MFHAS1: variants seen among roughly 807,000 people sequenced by gnomAD.
The protein encoded by MFHAS1 is malignant fibrous histiocytoma-amplified sequence 1.
MFHAS1 carries 50 observed loss-of-function variants against 70.4 expected under a neutral mutation model. That is an observed-to-expected ratio of 0.71 (90% CI 0.57 to 0.90). MFHAS1 has a LOEUF of 0.90. Among genes scored for constraint, MFHAS1 ranks in the 40% least tolerant of loss-of-function variants. The pLI is 0.00. For missense variants in MFHAS1, 1,795 were observed against 1,347.6 expected (o/e 1.33, Z -5.20); for synonymous variants, 952 against 620.0 (o/e 1.54, Z -7.96).
chr8:8,803,236 C>T (rs985657309), intron 1 of MFHAS1, among the ~76,000 whole-genome samples: 7 of 151,890 alleles, frequency 4.6e-5, no homozygotes, highest in African/African-American at 1.5e-4. Context: ...CTGGGCTGGA[C>T]GTGGTGGCTC....
intron 1 of MFHAS1, among the ~76,000 whole-genome samples, chr8:8,804,216 A>T (rs570396598): frequency 1.3e-5 from 2 of 152,238 alleles, no homozygotes; most frequent in South Asian, 4.1e-4. Flanking sequence ...ACACCATCAA[A>T]AATTATGACC....
intron 1 of MFHAS1, among the ~76,000 whole-genome samples, chr8:8,868,077 T>A (rs1462672909): frequency 1.3e-5 from 2 of 152,040 alleles, no homozygotes; most frequent in Non-Finnish European, 2.9e-5. Context: ...TTATAATAAG[T>A]GGTATAGCGC....
At position 8,872,133 on chromosome 8, in the gene MFHAS1, G is replaced by C. The variant is rs117553032; in HGVS notation, c.2998+17928C>G. Among the ~76,000 whole-genome samples, 1,467 of 152,342 alleles carry C rather than the reference G, an allele frequency of 9.6e-3. 11 individuals are homozygous for C. The highest frequency in any genetic ancestry group is 0.015 in the Non-Finnish European group (992 of 68,042). ...AACATAAGCTTCTGGGTCCATGGGA[G>C]GCAAGGGAGCATGTGACTGTGCACG... On this transcript the variant is annotated intron_variant, in intron 1 of 2. Coordinates refer to ENST00000276282, the MANE Select transcript of MFHAS1 (RefSeq NM_004225.3).
chr8:8,873,946 T>C (rs1809189489), intron 1 of MFHAS1, among the ~76,000 whole-genome samples: 1 of 152,258 alleles, frequency 6.6e-6, no homozygotes, highest in African/African-American at 2.4e-5. Flanking sequence ...TCACGTGTAA[T>C]GGCTGAATTA....
Position 8,890,928 on chromosome 8 carries a change from C to T in MFHAS1, c.2131G>A (p.Gly711Ser). ...CTGTCCTCAAAGTAGAGTAGCTTGC[C>T]GCTCTCATGCAGGTAGGAGAGGGCA... is the stretch of plus-strand genomic sequence containing the variant. ...QSALSYLHES[G>S]KLLYFEDSPA... is the part of the protein sequence containing the mutation. Residue 711 changes from glycine (G) to serine (S), a missense_variant, in exon 1 of 3, where the codon GGC becomes AGC. Coordinates refer to ENST00000276282, the MANE Select transcript of MFHAS1 (RefSeq NM_004225.3). 1.2e-6 allele frequency: 2 copies of T among 1,614,060 alleles called. No individual in the cohort carries two copies. The highest frequency in any genetic ancestry group is 1.1e-5 in the South Asian group (1 of 91,074).
intron 1 of MFHAS1, among the ~76,000 whole-genome samples, chr8:8,812,804 C>A (rs917757105): frequency 1.2e-5 from 1 of 83,074 alleles, no homozygotes; most frequent in Admixed American, 1.4e-4. Context: ...GTCTCGCTGT[C>A]ACCCAGGCTT....
At chr8:8,797,158 A>T (rs1434603790) in intron 2 of MFHAS1, among the ~76,000 whole-genome samples, 1 of 152,026 alleles carries the variant, frequency 6.6e-6, no homozygotes, top group Non-Finnish European at 1.5e-5. Flanking sequence ...AGTAAAAAAA[A>T]AAAAAAAAAT....
chr8:8,868,783 C>A (rs1459226376), intron 1 of MFHAS1, among the ~76,000 whole-genome samples: 2 of 152,264 alleles, frequency 1.3e-5, no homozygotes, highest in East Asian at 1.9e-4. Context: ...TTACAACTGG[C>A]TTCCACCCAT....
rs79259526 is a variant in MFHAS1, at chr8:8,889,667, C to A, written c.2998+394G>T. 5.7e-3 allele frequency among the ~76,000 whole-genome samples: 869 copies of A among 152,328 alleles called. 9 individuals carry two copies. Among genetic ancestry groups the A allele is most frequent in the African/African-American group, 0.02 (827 of 41,570 alleles). ...ACTTGAAACTCAAACTCATCTACCC[C>A]TTTGAGACGTGTCTAATGAACACTT... On this transcript the variant is annotated intron_variant, in intron 1 of 2. Coordinates refer to ENST00000276282, the MANE Select transcript of MFHAS1 (RefSeq NM_004225.3).
intron 1 of MFHAS1, among the ~76,000 whole-genome samples, chr8:8,824,723 C>T (rs1171806162): frequency 6.6e-6 from 1 of 152,152 alleles, no homozygotes. Context: ...ATGGGTTTAG[C>T]GGTCAGAAGC....
intron 1 of MFHAS1, among the ~76,000 whole-genome samples, chr8:8,873,386 A>G (rs549373159): frequency 6.6e-6 from 1 of 152,284 alleles, no homozygotes; most frequent in South Asian, 2.1e-4. Context: ...CAAGAACCTG[A>G]CTGGGGACTT....
intron 1 of MFHAS1, among the ~76,000 whole-genome samples, chr8:8,875,950 G>C (rs1437689825): frequency 4.6e-5 from 7 of 152,112 alleles, no homozygotes; most frequent in Non-Finnish European, 8.8e-5. Context: ...TATGAACAGA[G>C]ATCATACTGT....
intron 1 of MFHAS1, among the ~76,000 whole-genome samples, chr8:8,845,365 T>A (rs907181): frequency 1.3e-5 from 2 of 151,996 alleles, no homozygotes; most frequent in African/African-American, 4.8e-5. Flanking sequence ...CAGAAAATCA[T>A]ATTCCTTTTC....
chr8:8,885,044 G>C (rs533429609), intron 1 of MFHAS1, among the ~76,000 whole-genome samples: 4 of 151,866 alleles, frequency 2.6e-5, no homozygotes, highest in African/African-American at 9.7e-5. Flanking sequence ...ACTAAGTCTC[G>C]GGTGTGTCTC....
chr8:8,835,104 C>G (rs1807549577), intron 1 of MFHAS1, among the ~76,000 whole-genome samples: 1 of 152,136 alleles, frequency 6.6e-6, no homozygotes, highest in Non-Finnish European at 1.5e-5. Context: ...AATAGGGCAA[C>G]CTAATTCCCA....
At chr8:8,868,312 G>T (rs1166268802) in intron 1 of MFHAS1, among the ~76,000 whole-genome samples, 4 of 150,884 alleles carry the variant, frequency 2.7e-5, no homozygotes, top group Non-Finnish European at 5.9e-5. Context: ...GTATCTTTCG[G>T]CTAATAATAT....
chr8:8,860,524 G>A (rs754570704), intron 1 of MFHAS1, among the ~76,000 whole-genome samples: 5 of 152,156 alleles, frequency 3.3e-5, no homozygotes, highest in African/African-American at 7.2e-5. Flanking sequence ...CACTTGTACC[G>A]GATTCTCTAG....
chr8:8,857,105 G>A (rs952982302), intron 1 of MFHAS1, among the ~76,000 whole-genome samples: 1 of 150,298 alleles, frequency 6.7e-6, no homozygotes, highest in Non-Finnish European at 1.5e-5. Context: ...ATTCTAAAAA[G>A]AGTCTTAGAA....
Position 8,892,252 on chromosome 8 carries a change from G to A in MFHAS1, c.807C>T (p.Phe269=), listed in dbSNP as rs1563226493. The A allele has an allele frequency of 1.9e-6, 3 of 1,612,062 alleles. No homozygotes were observed. The highest frequency in any genetic ancestry group is 3.3e-5 in the Admixed American group (2 of 60,026). Residue 269 remains phenylalanine (F), a synonymous_variant, in exon 1 of 3, where the codon TTC becomes TTT. Coordinates refer to ENST00000276282, the MANE Select transcript of MFHAS1 (RefSeq NM_004225.3). This position sits in a 1 kb window ranked among gnomAD's most constrained non-coding sequence, Gnocchi z 4.7. ...NNGLQALPAQ[F]SCLQRLKMLN... is the part of the protein sequence containing the mutation. Reference sequence around the variant, plus strand: ...GCATTTTGAGCCGCTGCAGGCAGCTGAACTGGGCGGGCAGAGCCTGCAGCC... The same window carrying A: ...GCATTTTGAGCCGCTGCAGGCAGCTAAACTGGGCGGGCAGAGCCTGCAGCC...
Sources: gnomAD v4.1 joint callset for allele counts (sites outside exome capture counted in the v4.1 genomes callset) on GRCh38, gnomAD v4.1.1 for gene constraint, Gnocchi (gnomAD v3.1) non-coding constraint, MANE v1.5 for transcripts, NCBI Gene and HGNC (gene_info 2026-07-23, HGNC 2026-07-21) for gene names.